Variants in RSRC1 observed in about 807,000 individuals in gnomAD.
RSRC1 encodes the protein serine/Arginine-related protein 53.
Under a neutral mutation model 49.1 loss-of-function variants are expected in RSRC1, and 39 were observed. The observed-to-expected ratio is 0.79, with a 90% CI of 0.61 to 1.04. The LOEUF is 1.04. RSRC1 is among the 50% of genes least tolerant of loss of function. The pLI, the probability that RSRC1 is intolerant of heterozygous loss-of-function variation, is 0.00. For synonymous variants in RSRC1, 143 were observed against 130.8 expected, an observed-to-expected ratio of 1.09 and a Z score of -0.63; for missense variants, 388 against 402.4, an observed-to-expected ratio of 0.96 and a Z score of 0.31.
intron 7 of RSRC1, among the ~76,000 whole-genome samples, chr3:158,513,976 A>G: frequency 1.3e-5 from 2 of 151,994 alleles, no homozygotes; most frequent in East Asian, 3.9e-4. Context: ...CCCCTTTATC[A>G]TTTTTTATTG....
At chr3:158,260,021 A>T (rs1051216915) in intron 4 of RSRC1, among the ~76,000 whole-genome samples, 21 of 152,064 alleles carry the variant, frequency 1.4e-4, no homozygotes, top group African/African-American at 4.8e-5. Flanking sequence ...GCCATCCAGG[A>T]TTCAAGGCCT....
chr3:158,433,084 T>C (rs1336862947), intron 6 of RSRC1, among the ~76,000 whole-genome samples: 4 of 151,910 alleles, frequency 2.6e-5, no homozygotes, highest in African/African-American at 9.7e-5. Flanking sequence ...ACTTAAAAAA[T>C]CAGTAGCAAT....
chr3:158,258,185 C>CA (rs1474781642), intron 4 of RSRC1, among the ~76,000 whole-genome samples: 1 of 119,216 alleles, frequency 8.4e-6, no homozygotes, highest in African/African-American at 3.0e-5. Context: ...CCTTTTCTTT[C>CA]AAATTGAAGA....
intron 6 of RSRC1, among the ~76,000 whole-genome samples, chr3:158,375,536 T>C (rs963457407): frequency 2.6e-5 from 4 of 152,094 alleles, no homozygotes; most frequent in South Asian, 2.1e-4. Flanking sequence ...TTATTTCTGC[T>C]TTTAAAATTC....
chr3:158,279,124 T>C (rs542379624), intron 4 of RSRC1, among the ~76,000 whole-genome samples: 2 of 152,318 alleles, frequency 1.3e-5, no homozygotes, highest in African/African-American at 4.8e-5. Context: ...TATTAAAAAT[T>C]AAATGTCACA....
In RSRC1 at chr3:158,307,187, C is replaced by A. The variant is rs145669512; in HGVS notation, c.531+9112C>A. On this transcript the variant is annotated intron_variant, in intron 5 of 9. Transcript: ENST00000611884. The stretch of plus-strand genomic sequence containing the variant: ...GAATATTATTTTTAAGGAAAAATTA[C>A]TTTTGTTTACTGCTTTTACTTGGAA... Among the ~76,000 whole-genome samples, 211 of 151,434 alleles carry A rather than the reference C, an allele frequency of 1.4e-3. 3 individuals are homozygous for A. The East Asian group carries it at 0.04, about 28-fold the overall frequency.
At position 158,399,354 on chromosome 3, in the gene RSRC1, C is replaced by T. The variant is rs1189065262; in HGVS notation, c.583+44446C>T. Among the ~76,000 whole-genome samples, 2 of 48,268 alleles carry T rather than the reference C, an allele frequency of 4.1e-5. 1 individual carries two copies. Among genetic ancestry groups the T allele is most frequent in the Admixed American group, 4.2e-4 (2 of 4,772 alleles). 31.7% of individuals were successfully genotyped at this position (48,268 alleles called of 152,430 possible). On this transcript the variant is annotated intron_variant, in intron 6 of 9. Transcript: ENST00000611884. ...TGTATTTTTAGTAGAGACGGGGTTT[C>T]ACCGTTTTAGCCGGGATGGTCTCGA...
At chr3:158,225,163 C>T (rs1164431728) in intron 4 of RSRC1, among the ~76,000 whole-genome samples, 1 of 151,806 alleles carries the variant, frequency 6.6e-6, no homozygotes, top group Non-Finnish European at 1.5e-5. Flanking sequence ...GAGACCTAGT[C>T]TAGCCTGTTT....
intron 8 of RSRC1, 51 bp downstream of exon 8, chr3:158,537,249 A>G (rs761467263): frequency 1.4e-5 from 15 of 1,070,160 alleles, no homozygotes; most frequent in Middle Eastern, 4.3e-4. Flanking sequence ...CTACCTGAAG[A>G]GATGCTTTAT....
At chr3:158,391,173 C>T (rs1560022627) in intron 6 of RSRC1, among the ~76,000 whole-genome samples, 1 of 152,090 alleles carries the variant, frequency 6.6e-6, no homozygotes, top group Non-Finnish European at 1.5e-5. Context: ...ACACCCCCAC[C>T]CTGGGGTTCT....
At chr3:158,268,027 C>A (rs987591639) in intron 4 of RSRC1, among the ~76,000 whole-genome samples, 8 of 152,196 alleles carry the variant, frequency 5.3e-5, no homozygotes, top group African/African-American at 1.9e-4. Flanking sequence ...ACTGTTAGGA[C>A]TTCCCATTGT....
At chr3:158,355,979 T>G (rs948167186) in intron 6 of RSRC1, among the ~76,000 whole-genome samples, 1 of 151,892 alleles carries the variant, frequency 6.6e-6, no homozygotes, top group Non-Finnish European at 1.5e-5. Context: ...ATTTATAGAT[T>G]AGGTAAGAGA....
intron 4 of RSRC1, among the ~76,000 whole-genome samples, chr3:158,227,556 G>A (rs1428236366): frequency 6.6e-6 from 1 of 151,986 alleles, no homozygotes; most frequent in African/African-American, 2.4e-5. Context: ...AAGAGCCTTG[G>A]TGGTGGTAGG....
intron 7 of RSRC1, among the ~76,000 whole-genome samples, chr3:158,518,140 A>ATTT (rs1553820473): frequency 2.5e-5 from 2 of 79,522 alleles, no homozygotes; most frequent in African/African-American, 8.1e-5. Flanking sequence ...ATATATATAT[A>ATTT]TATATATATT....
In RSRC1 at chr3:158,470,210, C is replaced by A. The variant is rs181797317; in HGVS notation, c.652+9207C>A. Among the ~76,000 whole-genome samples, 3 of 151,814 alleles carry A rather than the reference C, an allele frequency of 2.0e-5. No individual in the cohort carries two copies. In the East Asian group the frequency reaches 5.8e-4, roughly 29 times the overall value. On this transcript the variant is annotated intron_variant, in intron 7 of 9. Coordinates refer to ENST00000611884, the MANE Select transcript of RSRC1 (RefSeq NM_001271838.2). Reference sequence around the variant, plus strand: ...CAATACATATTGTTAGCATCACTGGCGGACTTATGAACTTTGATATTACTC... The same window carrying A: ...CAATACATATTGTTAGCATCACTGGAGGACTTATGAACTTTGATATTACTC...
intron 6 of RSRC1, among the ~76,000 whole-genome samples, chr3:158,406,267 T>TAA (rs1237715105): frequency 2.0e-5 from 3 of 152,138 alleles, no homozygotes; most frequent in African/African-American, 7.2e-5. Context: ...TTCATTGCCA[T>TAA]ATTGTATTAT....
chr3:158,508,823 A>T (rs1159271342), intron 7 of RSRC1, among the ~76,000 whole-genome samples: 2 of 152,064 alleles, frequency 1.3e-5, no homozygotes, highest in South Asian at 4.1e-4. Flanking sequence ...CACAAGAAGG[A>T]TGTACAATAA....
At chr3:158,190,568 C>T (rs1720179595) in intron 3 of RSRC1, among the ~76,000 whole-genome samples, 1 of 148,462 alleles carries the variant, frequency 6.7e-6, no homozygotes, top group Non-Finnish European at 1.5e-5. Flanking sequence ...TTTTTTTTCC[C>T]AAAATCAGAT....
chr3:158,183,242 A>C (rs1162904268), intron 3 of RSRC1, among the ~76,000 whole-genome samples: 2 of 152,110 alleles, frequency 1.3e-5, no homozygotes, highest in African/African-American at 2.4e-5. Flanking sequence ...CAATAAAATA[A>C]AATGGTTTTT....
Sources: gnomAD v4.1 joint callset for allele counts (sites outside exome capture counted in the v4.1 genomes callset) on GRCh38, gnomAD v4.1.1 for gene constraint, MANE v1.5 for transcripts, NCBI Gene and HGNC (gene_info 2026-07-23, HGNC 2026-07-21) for gene names.